DAPK2: variants seen among roughly 807,000 people sequenced by gnomAD.
DAPK2 encodes death associated protein kinase 2, also known as death-associated protein kinase 2.
In DAPK2, 35 loss-of-function variants were observed where a neutral mutation model predicts 44.1. The ratio of observed to expected loss-of-function variants is 0.79; its 90% CI spans 0.61 to 1.05. DAPK2 has a LOEUF of 1.05. Among genes scored for constraint, DAPK2 ranks in the 50% least tolerant of loss-of-function variants. DAPK2 has a pLI of 0.00. For missense variants in DAPK2, 453 were observed against 483.2 expected (o/e 0.94, Z 0.59); for synonymous variants, 174 against 182.6 (o/e 0.95, Z 0.38).
intron 1 of DAPK2, among the ~76,000 whole-genome samples, chr15:63,994,438 GA>G (rs2078896087): frequency 6.7e-6 from 1 of 149,930 alleles, no homozygotes; most frequent in Admixed American, 6.6e-5. Flanking sequence ...AGGAAGGAAG[GA>G]AGGAAGGAAG....
intron 1 of DAPK2, among the ~76,000 whole-genome samples, chr15:64,035,076 G>A (rs1407341524): frequency 1.3e-5 from 2 of 151,926 alleles, no homozygotes; most frequent in African/African-American, 4.8e-5. Flanking sequence ...GCTGAGGCAG[G>A]AGAATCGCTT....
Position 63,923,060 on chromosome 15 carries a change from G to A in DAPK2, c.858+1756C>T, listed in dbSNP as rs1211691296. 2 of 1,535,824 alleles carry A rather than the reference G, an allele frequency of 1.3e-6. No homozygotes were observed. The highest frequency in any genetic ancestry group is 1.7e-6 in the Non-Finnish European group (2 of 1,146,728). Reference sequence around the variant, plus strand: ...CCTGAGCTGGGACAGGTCATGCCGGGCGCTCTCATTCTCCTCTCGGTACCA... The same window carrying A: ...CCTGAGCTGGGACAGGTCATGCCGGACGCTCTCATTCTCCTCTCGGTACCA... On this transcript the variant is annotated intron_variant, in intron 8 of 10. Coordinates refer to ENST00000261891, the Ensembl canonical transcript of DAPK2. The surrounding 1 kb of genome is among the most constrained non-coding windows in gnomAD (Gnocchi z 4.2).
At chr15:63,925,807 A>T in intron 7 of DAPK2, 134 bp downstream of exon 8, 1 of 1,146,354 alleles carries the variant, frequency 8.7e-7, no homozygotes, top group Non-Finnish European at 1.3e-6. Context: ...CACACTTTCC[A>T]GCACCTGCCC....
intron 1 of DAPK2, chr15:63,991,388 ACT>A: frequency 2.2e-6 from 1 of 452,706 alleles, no homozygotes; most frequent in South Asian, 1.6e-5. Flanking sequence ...GCCTAATATG[ACT>A]CTTCTCCCAG....
upstream of DAPK2, among the ~76,000 whole-genome samples, chr15:64,041,586 G>A (rs568472688): frequency 5.3e-5 from 8 of 152,142 alleles, no homozygotes; most frequent in African/African-American, 1.9e-4. Flanking sequence ...CTTTAGCAAA[G>A]GCCTGTCAGA....
chr15:63,925,930 T>C lies in DAPK2; in HGVS notation c.812+11A>G. ...GTACCTGAGAAACCAGTGGCTTCTC[T>C]GTCCTCTTACCGGGTCTCTTTAACC... On this transcript the variant is annotated intron_variant, in intron 7 of 10. Coordinates refer to ENST00000261891, the Ensembl canonical transcript of DAPK2. The C allele has an allele frequency of 1.2e-6, 2 of 1,614,130 alleles. No homozygotes were observed. Among genetic ancestry groups the C allele is most frequent in the Non-Finnish European group, 1.7e-6 (2 of 1,180,010 alleles).
At chr15:63,954,908 T>G (rs1400929330) in intron 3 of DAPK2, among the ~76,000 whole-genome samples, 1 of 152,202 alleles carries the variant, frequency 6.6e-6, no homozygotes, top group Non-Finnish European at 1.5e-5. Context: ...AGGTTTCTTT[T>G]TAGCTATTGT....
intron 3 of DAPK2, among the ~76,000 whole-genome samples, chr15:63,952,644 G>GTTT (rs5813269): frequency 4.7e-5 from 7 of 149,754 alleles, no homozygotes; most frequent in African/African-American, 1.7e-4. Flanking sequence ...TCCATGATCT[G>GTTT]TTTTTTTTTA....
In DAPK2 at chr15:63,912,828, A is replaced by G. The variant is rs888036092; in HGVS notation, c.859-631T>C. Among the ~76,000 whole-genome samples the G allele has an allele frequency of 2.7e-4, 41 of 152,320 alleles. No individual in the cohort carries two copies. The highest frequency in any genetic ancestry group is 9.6e-4 in the African/African-American group (40 of 41,582). The stretch of plus-strand genomic sequence containing the variant: ...TTAAGGATTATATGATCATGCATAT[A>G]TAAAGTGCTTAGCCCAGCACCACTC... On this transcript the variant is annotated intron_variant, in intron 8 of 10. Coordinates refer to ENST00000261891, the Ensembl canonical transcript of DAPK2. This position sits in a 1 kb window ranked among gnomAD's most constrained non-coding sequence, Gnocchi z 4.4.
chr15:63,913,446 G>T (rs1023215086), intron 8 of DAPK2, among the ~76,000 whole-genome samples: 1 of 152,030 alleles, frequency 6.6e-6, no homozygotes, highest in Non-Finnish European at 1.5e-5. Flanking sequence ...ATTCTCAAAG[G>T]CCCCCATGAC....
chr15:63,948,332 C>T (rs891076788), intron 3 of DAPK2, among the ~76,000 whole-genome samples: 12 of 130,408 alleles, frequency 9.2e-5, no homozygotes, highest in Admixed American at 2.4e-4. Flanking sequence ...ATAGGCTGTA[C>T]AGGAAGCATA....
chr15:63,979,035 G>C (rs371156290), intron 2 of DAPK2, among the ~76,000 whole-genome samples: 55 of 152,296 alleles, frequency 3.6e-4, no homozygotes, highest in African/African-American at 1.3e-3. Context: ...TGCCACCCTG[G>C]AGCACTCTGC....
At chr15:63,932,801 G>A (rs932375066) in intron 4 of DAPK2, 1 of 152,110 alleles carries the variant, frequency 6.6e-6, no homozygotes, top group Non-Finnish European at 1.5e-5. Context: ...TGCTGTTTTA[G>A]CTTTATAAAA....
chr15:63,925,678 G>GCGCGCACACACA (rs1352051474), intron 7 of DAPK2, among the ~76,000 whole-genome samples: 47 of 138,544 alleles, frequency 3.4e-4, no homozygotes, highest in East Asian at 1.0e-3. Flanking sequence ...GACTTGTAGC[G>GCGCGCACACACA]CACACACACA....
Position 64,022,625 on chromosome 15 carries a change from A to C in DAPK2, c.92+17545T>G, listed in dbSNP as rs78394251. Among the ~76,000 whole-genome samples the C allele has an allele frequency of 7.7e-3, 1,172 of 152,284 alleles. 15 individuals carry two copies. The highest frequency in any genetic ancestry group is 0.027 in the African/African-American group (1,109 of 41,536). On this transcript the variant is annotated intron_variant, in intron 1 of 10. Coordinates refer to ENST00000261891, the Ensembl canonical transcript of DAPK2. ...GAGCCCGGAAGGTTAAGACCAGCCT[A>C]GGCAATATGGTGAGATGCCGTCTCT...
intron 3 of DAPK2, among the ~76,000 whole-genome samples, chr15:63,968,891 G>C (rs2078130515): frequency 6.6e-6 from 1 of 152,198 alleles, no homozygotes; most frequent in Admixed American, 6.5e-5. Context: ...AAAAGACAAA[G>C]GAGCCCATTT....
rs376632083 is a variant in DAPK2, at chr15:64,020,696, C to T, written c.92+19474G>A. On this transcript the variant is annotated intron_variant, in intron 1 of 10. Coordinates refer to ENST00000261891, the Ensembl canonical transcript of DAPK2. The surrounding 1 kb of genome is among the most constrained non-coding windows in gnomAD (Gnocchi z 4.5). ...GAAATGTAGGAGAATCATGGAATGACGTCAGGGTAGCCCCTTGACAGCAGG... is the reference window on the plus strand; with the variant it reads ...GAAATGTAGGAGAATCATGGAATGATGTCAGGGTAGCCCCTTGACAGCAGG... Among the ~76,000 whole-genome samples, 3 of 152,306 alleles carry T rather than the reference C, an allele frequency of 2.0e-5. No homozygotes were observed. The highest frequency in any genetic ancestry group is 2.9e-5 in the Non-Finnish European group (2 of 68,028).
At chr15:63,913,695 C>T (rs1016728723) in intron 8 of DAPK2, among the ~76,000 whole-genome samples, 4 of 152,218 alleles carry the variant, frequency 2.6e-5, no homozygotes, top group Non-Finnish European at 5.9e-5. Context: ...CTGCTGGCCA[C>T]GCTGCTCTGG....
At chr15:64,012,865 C>T (rs1159822181) in intron 1 of DAPK2, among the ~76,000 whole-genome samples, 1 of 152,138 alleles carries the variant, frequency 6.6e-6, no homozygotes, top group Non-Finnish European at 1.5e-5. Context: ...CTTAACTATA[C>T]AAGTTAAACA....
Sources: gnomAD v4.1 joint callset for allele counts (sites outside exome capture counted in the v4.1 genomes callset) on GRCh38, gnomAD v4.1.1 for gene constraint, Gnocchi (gnomAD v3.1) non-coding constraint, MANE v1.5 for transcripts, NCBI Gene and HGNC (gene_info 2026-07-23, HGNC 2026-07-21) for gene names.